Variants in OPRM1 observed in about 807,000 individuals in gnomAD.
The protein encoded by OPRM1 is mu-type opioid receptor.
Under a neutral mutation model 31.8 loss-of-function variants are expected in OPRM1, and 27 were observed. The observed-to-expected ratio is 0.85, with a 90% CI of 0.63 to 1.17. The LOEUF (loss-of-function observed/expected upper bound fraction) is 1.17. OPRM1 is among the 50% of genes most tolerant of loss of function. The probability of loss-of-function intolerance (pLI) is 0.00; values close to 1 mark genes in which losing one functional copy is unlikely to be tolerated. For missense variants in OPRM1, 536 were observed against 511.1 expected (o/e 1.05, Z -0.47); for synonymous variants, 196 against 189.9 (o/e 1.03, Z -0.26).
At chr6:154,010,630 C>G (rs1279607784) in exon 1 of OPRM1, 11 of 1,500,948 alleles carry the variant, frequency 7.3e-6, no homozygotes, top group African/African-American at 1.4e-5. Context: ...TATGCCTGCA[C>G]TAAGTTTGCA....
chr6:154,163,800 A>G (rs984487799), intron 3 of OPRM1, among the ~76,000 whole-genome samples: 12 of 152,234 alleles, frequency 7.9e-5, no homozygotes, highest in African/African-American at 2.7e-4. Context: ...AAAAAACTAG[A>G]CATAGATTCA....
At chr6:154,206,029 G>A (rs1777465506) in intron 3 of OPRM1, among the ~76,000 whole-genome samples, 1 of 152,108 alleles carries the variant, frequency 6.6e-6, no homozygotes, top group African/African-American at 2.4e-5. Flanking sequence ...GCTATCAAGA[G>A]ATGCCAGGAG....
At chr6:154,027,685 A>C (rs1778777924) in intron 1 of OPRM1, among the ~76,000 whole-genome samples, 1 of 152,196 alleles carries the variant, frequency 6.6e-6, no homozygotes, top group Non-Finnish European at 1.5e-5. Context: ...GTAGTACTCA[A>C]ACCACAAAAT....
chr6:154,049,448 T>C (rs1781789590), intron 1 of OPRM1, among the ~76,000 whole-genome samples: 2 of 152,194 alleles, frequency 1.3e-5, no homozygotes, highest in African/African-American at 4.8e-5. Context: ...TTTTTGCTGC[T>C]CTATACATGT....
chr6:154,216,393 C>T (rs767338063), intron 3 of OPRM1, among the ~76,000 whole-genome samples: 2 of 151,962 alleles, frequency 1.3e-5, no homozygotes, highest in Non-Finnish European at 2.9e-5. Flanking sequence ...TTTGAAATTA[C>T]AAATTTCCAA....
rs566296230 is a variant in OPRM1, at chr6:154,223,357, A to G, written c.1165-23336A>G. 4 of 797,282 alleles carry G rather than the reference A, an allele frequency of 5.0e-6. No individual in the cohort carries two copies. The African/African-American group carries it at 5.1e-5, about 10-fold the overall frequency. 49.4% of individuals were successfully genotyped at this position (797,282 alleles called of 1,614,324 possible). On this transcript the variant is annotated intron_variant, in intron 3 of 3. Transcript: ENST00000337049. Reference sequence around the variant, plus strand: ...ATAAATGACATGAGGGAGAATCAAGAGATACCAACCACCCTGAATCACCAT... The same window carrying G: ...ATAAATGACATGAGGGAGAATCAAGGGATACCAACCACCCTGAATCACCAT...
intron 3 of OPRM1, among the ~76,000 whole-genome samples, chr6:154,214,851 T>C (rs1038433801): frequency 1.3e-5 from 2 of 152,240 alleles, no homozygotes; most frequent in African/African-American, 4.8e-5. Flanking sequence ...TTTACCATTT[T>C]ACTGGCAATG....
At chr6:154,111,734 G>A (rs531915562) in intron 3 of OPRM1, among the ~76,000 whole-genome samples, 1 of 148,478 alleles carries the variant, frequency 6.7e-6, no homozygotes, top group South Asian at 2.2e-4. Context: ...TTGACTTCCT[G>A]GAAAAACTAT....
At chr6:154,241,455 T>G (rs773599754) in intron 3 of OPRM1, among the ~76,000 whole-genome samples, 1 of 152,158 alleles carries the variant, frequency 6.6e-6, no homozygotes, top group Non-Finnish European at 1.5e-5. Context: ...ACGGTGAATC[T>G]AAATGAAATT....
At chr6:154,029,114 A>G (rs762504133) in intron 1 of OPRM1, among the ~76,000 whole-genome samples, 1 of 152,124 alleles carries the variant, frequency 6.6e-6, no homozygotes, top group Non-Finnish European at 1.5e-5. Context: ...AGGGGTCTCT[A>G]TGTCTCTTCC....
rs556134432 is a variant in OPRM1 at position 154,129,734 on chromosome 6, C to G, written c.*11013C>G. ...ACTGTTGGGGATTGCTCTACAGCTGCTCAAGCTTTTGAAGACTCCTGTGAT... is the reference window on the plus strand; with the variant it reads ...ACTGTTGGGGATTGCTCTACAGCTGGTCAAGCTTTTGAAGACTCCTGTGAT... On this transcript the variant is annotated 3_prime_UTR_variant, in exon 4 of 4. Coordinates refer to ENST00000330432, the MANE Select transcript of OPRM1 (RefSeq NM_000914.5). Among the ~76,000 whole-genome samples, 14 of 152,078 alleles carry G rather than the reference C, an allele frequency of 9.2e-5. 1 individual carries two copies. Among genetic ancestry groups the G allele is most frequent in the African/African-American group, 3.4e-4 (14 of 41,466 alleles).
At chr6:154,233,166 G>A (rs1394185577) in intron 3 of OPRM1, among the ~76,000 whole-genome samples, 2 of 151,910 alleles carry the variant, frequency 1.3e-5, no homozygotes, top group African/African-American at 2.4e-5. Flanking sequence ...ACATGGTTTC[G>A]CCATATTGGC....
intron 3 of OPRM1, among the ~76,000 whole-genome samples, chr6:154,144,691 T>C (rs960311931): frequency 7.3e-6 from 1 of 137,436 alleles, no homozygotes; most frequent in Admixed American, 8.7e-5. Flanking sequence ...TAGGTTGCTG[T>C]GAGCCGAGAT....
intron 1 of OPRM1, among the ~76,000 whole-genome samples, chr6:154,068,301 T>C (rs1347830384): frequency 6.6e-6 from 1 of 152,206 alleles, no homozygotes; most frequent in African/African-American, 2.4e-5. Context: ...TGTTGTACAA[T>C]AGATCTCTTG....
At chr6:154,062,010 G>C (rs1334854383) in intron 1 of OPRM1, among the ~76,000 whole-genome samples, 1 of 152,106 alleles carries the variant, frequency 6.6e-6, no homozygotes, top group Non-Finnish European at 1.5e-5. Context: ...GCTAGGAAAA[G>C]TGTGAAATGT....
chr6:154,040,584 AG>A (rs935072549), intron 1 of OPRM1, among the ~76,000 whole-genome samples: 14 of 152,202 alleles, frequency 9.2e-5, no homozygotes, highest in Non-Finnish European at 1.9e-4. Flanking sequence ...TGGAATGGGT[AG>A]GTTGGTTCAG....
chr6:154,187,139 T>C (rs1801443714), intron 3 of OPRM1, among the ~76,000 whole-genome samples: 1 of 152,126 alleles, frequency 6.6e-6, no homozygotes, highest in Non-Finnish European at 1.5e-5. Flanking sequence ...CTTCCCCAAA[T>C]ATTAATTTGG....
At chr6:154,240,148 A>G (rs539411889) in intron 3 of OPRM1, among the ~76,000 whole-genome samples, 6 of 152,370 alleles carry the variant, frequency 3.9e-5, no homozygotes, top group Admixed American at 3.3e-4. Context: ...TCAGTGTTCA[A>G]TAATAATGCT....
At chr6:154,088,379 C>T (rs1270791598) in intron 1 of OPRM1, among the ~76,000 whole-genome samples, 2 of 152,172 alleles carry the variant, frequency 1.3e-5, no homozygotes, top group Non-Finnish European at 2.9e-5. Flanking sequence ...CACAAAGACA[C>T]TTTTGGGAGC....
Sources: gnomAD v4.1 joint callset for allele counts (sites outside exome capture counted in the v4.1 genomes callset) on GRCh38, gnomAD v4.1.1 for gene constraint, MANE v1.5 for transcripts, NCBI Gene and HGNC (gene_info 2026-07-23, HGNC 2026-07-21) for gene names.